The following RFX3 variants were observed in gnomAD, a reference collection of about 807,000 sequenced individuals.
RFX3 encodes transcription factor RFX3.
A neutral mutation model predicts 98.6 loss-of-function variants in RFX3; 14 were observed. The observed-to-expected ratio is 0.14, with a 90% CI of 0.09 to 0.22. The LOEUF (loss-of-function observed/expected upper bound fraction) is 0.22. Among genes scored for constraint, RFX3 ranks in the 10% least tolerant of loss-of-function variants. RFX3 has a pLI of 1.00. For missense variants in RFX3, 639 were observed against 926.9 expected, an observed-to-expected ratio of 0.69 and a Z score of 4.03; for synonymous variants, 383 against 328.4, an observed-to-expected ratio of 1.17 and a Z score of -1.80.
At chr9:3,493,698 AAAATATATAT>A (rs1564172481) in intron 1 of RFX3, among the ~76,000 whole-genome samples, 2 of 111,248 alleles carry the variant, frequency 1.8e-5, no homozygotes, top group African/African-American at 4.5e-5. Context: ...AAAAAAAAAA[AAAATATATAT>A]ATATATATAT....
chr9:3,422,401 T>C (rs1457553767), intron 1 of RFX3, among the ~76,000 whole-genome samples: 1 of 152,162 alleles, frequency 6.6e-6, no homozygotes, highest in Non-Finnish European at 1.5e-5. Flanking sequence ...AGAGATGACC[T>C]AAAGTCAAAC....
intron 1 of RFX3, among the ~76,000 whole-genome samples, chr9:3,494,599 C>G (rs192544246): frequency 6.6e-6 from 1 of 152,096 alleles, no homozygotes; most frequent in African/African-American, 2.4e-5. Flanking sequence ...CTATACCCAT[C>G]TGATTAGAAA....
intron 1 of RFX3, among the ~76,000 whole-genome samples, chr9:3,469,853 A>AG (rs1848620158): frequency 6.6e-6 from 1 of 152,012 alleles, no homozygotes; most frequent in African/African-American, 2.4e-5. Context: ...CTCAAAAAAA[A>AG]AAAAAAAAAT....
chr9:3,441,787 C>T (rs1035252691), intron 1 of RFX3, among the ~76,000 whole-genome samples: 8 of 152,114 alleles, frequency 5.3e-5, no homozygotes, highest in Non-Finnish European at 7.3e-5. Flanking sequence ...AATACCCACA[C>T]CTCTAGGAGA....
intron 1 of RFX3, among the ~76,000 whole-genome samples, chr9:3,426,530 G>C (rs935734212): frequency 6.6e-6 from 1 of 151,960 alleles, no homozygotes; most frequent in Non-Finnish European, 1.5e-5. Flanking sequence ...AGGTGAGCAG[G>C]AGGTGAGCAG....
chr9:3,317,450 T>C (rs1830751863), intron 4 of RFX3, among the ~76,000 whole-genome samples: 3 of 152,216 alleles, frequency 2.0e-5, no homozygotes, highest in South Asian at 2.1e-4. Context: ...ATTCAGGACA[T>C]AGGCATGGGC....
chr9:3,392,647 T>A (rs1475208704), intron 2 of RFX3, among the ~76,000 whole-genome samples: 2 of 152,002 alleles, frequency 1.3e-5, no homozygotes, highest in African/African-American at 4.8e-5. Context: ...AGTACAGTAT[T>A]TGAAAATAGG....
chr9:3,255,395 T>C (rs1441738449), intron 14 of RFX3, among the ~76,000 whole-genome samples: 1 of 152,238 alleles, frequency 6.6e-6, no homozygotes, highest in Non-Finnish European at 1.5e-5. Context: ...GACTCACCAC[T>C]GATGTCCAGA....
intron 5 of RFX3, 60 bp downstream of exon 5, chr9:3,301,486 G>C: frequency 3.4e-6 from 4 of 1,160,496 alleles, no homozygotes; most frequent in Non-Finnish European, 5.1e-6. Flanking sequence ...AGCATTTAGA[G>C]GCAAGCAACA....
intron 1 of RFX3, among the ~76,000 whole-genome samples, chr9:3,523,498 A>T (rs1818931151): frequency 6.6e-6 from 1 of 152,188 alleles, no homozygotes; most frequent in Non-Finnish European, 1.5e-5. Flanking sequence ...TCTGCTCTCA[A>T]ATCAACTTGT....
rs1266209962 is a variant in RFX3 at position 3,221,009 on chromosome 9, A to G, written c.*4033T>C. On this transcript the variant is annotated 3_prime_UTR_variant, in exon 17 of 17. Transcript: ENST00000617270. ...ATTCATACAGATCACAAAAGTTCTCATCTCAATTTCTGGATGGTTGTTCTT... is the reference window on the plus strand; with the variant it reads ...ATTCATACAGATCACAAAAGTTCTCGTCTCAATTTCTGGATGGTTGTTCTT... 5 of 152,134 alleles carry G rather than the reference A, an allele frequency of 3.3e-5. No individual in the cohort carries two copies. The highest frequency in any genetic ancestry group is 3.3e-4 in the Admixed American group (5 of 15,254). The allele number at this position is 152,134 out of a possible 1,614,324, so 9.4% of individuals were successfully genotyped here.
rs1817400963 is a variant in RFX3 at position 3,222,707 on chromosome 9, T to C, written c.*2335A>G. ...CACTTCCTATGCACAATGAAGTAGATACATGAACTTTTGCAGATTATCATG... is the reference window on the plus strand; with the variant it reads ...CACTTCCTATGCACAATGAAGTAGACACATGAACTTTTGCAGATTATCATG... On this transcript the variant is annotated 3_prime_UTR_variant, in exon 17 of 17. Coordinates refer to ENST00000617270, the MANE Select transcript of RFX3 (RefSeq NM_001282116.2). 2 of 152,200 alleles carry C rather than the reference T, an allele frequency of 1.3e-5. No individual in the cohort carries two copies. The highest frequency in any genetic ancestry group is 2.4e-5 in the African/African-American group (1 of 41,466). 9.4% of individuals were successfully genotyped at this position (152,200 alleles called of 1,614,324 possible). A position where few individuals can be genotyped will look rare whatever the true frequency, so the allele number is the denominator to read the frequency against.
intron 1 of RFX3, among the ~76,000 whole-genome samples, chr9:3,494,719 A>C (rs1007330965): frequency 2.0e-5 from 3 of 152,178 alleles, no homozygotes; most frequent in Non-Finnish European, 4.4e-5. Context: ...ATAAAATTTG[A>C]TAACTATGGA....
intron 1 of RFX3, among the ~76,000 whole-genome samples, chr9:3,424,936 T>A (rs1461069423): frequency 6.6e-6 from 1 of 152,164 alleles, no homozygotes; most frequent in Non-Finnish European, 1.5e-5. Context: ...TAATAAGAAA[T>A]GATTTTTTGT....
intron 2 of RFX3, among the ~76,000 whole-genome samples, chr9:3,372,971 G>A (rs1458429238): frequency 6.6e-6 from 1 of 152,034 alleles, no homozygotes; most frequent in Non-Finnish European, 1.5e-5. Context: ...AGAAAAAATG[G>A]TAAACTACTA....
chr9:3,354,450 G>C (rs548840766), intron 2 of RFX3, among the ~76,000 whole-genome samples: 1 of 151,632 alleles, frequency 6.6e-6, no homozygotes, highest in Non-Finnish European at 1.5e-5. Flanking sequence ...GCTAGACCCA[G>C]TAATAAAGAG....
At chr9:3,335,906 A>C (rs1279943061) in intron 3 of RFX3, among the ~76,000 whole-genome samples, 1 of 152,118 alleles carries the variant, frequency 6.6e-6, no homozygotes, top group African/African-American at 2.4e-5. Flanking sequence ...AATATTCCCT[A>C]CTTACTTATT....
At chr9:3,290,132 T>C (rs1459763210) in intron 6 of RFX3, among the ~76,000 whole-genome samples, 1 of 151,832 alleles carries the variant, frequency 6.6e-6, no homozygotes, top group Non-Finnish European at 1.5e-5. Context: ...ACTCCCTCCA[T>C]AGTACTTATT....
chr9:3,428,674 A>G lies in RFX3; in HGVS notation c.-8-33078T>C, dbSNP rs536227288. Among the ~76,000 whole-genome samples, 27 of 152,298 alleles carry G rather than the reference A, an allele frequency of 1.8e-4. 1 individual carries two copies. In the East Asian group the frequency reaches 4.2e-3, roughly 24 times the overall value. ...GTTAGTCTGATCTCACTGCCACACA[A>G]CCAACAGAATATAAAGGTCTTTCTA... On this transcript the variant is annotated intron_variant, in intron 1 of 16. Transcript: ENST00000617270.
Sources: gnomAD v4.1 joint callset for allele counts (sites outside exome capture counted in the v4.1 genomes callset) on GRCh38, gnomAD v4.1.1 for gene constraint, MANE v1.5 for transcripts, NCBI Gene and HGNC (gene_info 2026-07-23, HGNC 2026-07-21) for gene names.